The following LRMDA variants were observed in gnomAD, a reference collection of about 807,000 sequenced individuals.
LRMDA encodes the protein leucine rich melanocyte differentiation associated.
A neutral mutation model predicts 29.8 loss-of-function variants in LRMDA; 18 were observed. That is an observed-to-expected ratio of 0.60 (90% confidence interval 0.42 to 0.90). The LOEUF is 0.90. LRMDA is among the 40% of genes least tolerant of loss of function. The pLI, the probability that LRMDA is intolerant of heterozygous loss-of-function variation, is 0.00. For synonymous variants in LRMDA, 125 were observed against 109.4 expected (o/e 1.14, Z -0.89); for missense variants, 273 against 273.9 (o/e 1.00, Z 0.02).
chr10:75,866,646 G>A lies in LRMDA; in HGVS notation c.132-169362G>A, dbSNP rs571009189. ...AACCTGGCCAACCTGATTAGAGAAA[G>A]TGCAAGCCACTGCTGAGGATCTTGT... On this transcript the variant is annotated intron_variant, in intron 2 of 6. Transcript: ENST00000611255. 1.3e-5 allele frequency among the ~76,000 whole-genome samples: 2 copies of A among 152,306 alleles called. 1 individual carries two copies. Among genetic ancestry groups the A allele is most frequent in the South Asian group, 4.1e-4 (2 of 4,824 alleles).
chr10:75,452,353 C>T (rs1589148310), intron 2 of LRMDA, among the ~76,000 whole-genome samples: 1 of 152,098 alleles, frequency 6.6e-6, no homozygotes, highest in African/African-American at 2.4e-5. Context: ...CCCTTTTCAA[C>T]GTGATTGCTG....
rs575138279 is a variant in LRMDA at position 76,537,664 on chromosome 10, C to CT, written c.602-19537dup. Among the ~76,000 whole-genome samples, 8 of 152,112 alleles carry CT rather than the reference C, an allele frequency of 5.3e-5. No homozygotes were observed. The South Asian group carries it at 1.5e-3, about 28-fold the overall frequency. On this transcript the variant is annotated intron_variant, in intron 6 of 6. Transcript: ENST00000611255. ...TCTCTGATGACAGTCTTAAAAGCTT[C>CT]TTTTTTTTAAAGGAGTGATGTGATT...
intron 2 of LRMDA, chr10:75,883,579 G>A (rs1845329534): frequency 6.6e-6 from 1 of 152,074 alleles, no homozygotes; most frequent in Non-Finnish European, 1.5e-5. Flanking sequence ...TTCATTGCAG[G>A]GGTGGGCGTT....
intron 2 of LRMDA, among the ~76,000 whole-genome samples, chr10:75,797,776 A>T (rs149806098): frequency 2.0e-5 from 3 of 152,172 alleles, no homozygotes; most frequent in African/African-American, 7.2e-5. Context: ...TAGCACATTT[A>T]GTTTGTTCAT....
chr10:76,419,957 A>G (rs1842056044), intron 6 of LRMDA, among the ~76,000 whole-genome samples: 2 of 152,086 alleles, frequency 1.3e-5, no homozygotes, highest in Admixed American at 1.3e-4. Context: ...ACAAAATTGA[A>G]CTGTTAATAT....
chr10:76,154,690 A>G (rs1589354099), intron 5 of LRMDA, among the ~76,000 whole-genome samples: 1 of 152,196 alleles, frequency 6.6e-6, no homozygotes, highest in African/African-American at 2.4e-5. Context: ...TGGCACTTGA[A>G]AGCTTCTGAT....
intron 5 of LRMDA, among the ~76,000 whole-genome samples, chr10:76,246,372 TGC>T (rs1463199286): frequency 2.0e-5 from 3 of 152,186 alleles, no homozygotes; most frequent in Non-Finnish European, 4.4e-5. Flanking sequence ...GGTAGGACCT[TGC>T]AGTAATTGCA....
chr10:75,481,460 G>A (rs1474090723), intron 2 of LRMDA, among the ~76,000 whole-genome samples: 5 of 152,156 alleles, frequency 3.3e-5, no homozygotes, highest in Admixed American at 6.5e-5. Flanking sequence ...GTGACCTTGG[G>A]AAGAAAGATT....
At chr10:75,547,470 C>T (rs1043420896) in intron 2 of LRMDA, among the ~76,000 whole-genome samples, 13 of 152,240 alleles carry the variant, frequency 8.5e-5, no homozygotes, top group African/African-American at 3.1e-4. Flanking sequence ...TCTTTCACTT[C>T]ACAGCCCTGC....
intron 2 of LRMDA, among the ~76,000 whole-genome samples, chr10:75,944,344 A>C (rs889531747): frequency 2.6e-5 from 4 of 151,730 alleles, no homozygotes; most frequent in Non-Finnish European, 4.4e-5. Flanking sequence ...CTTATCTTTG[A>C]TTTTCAGAAT....
At chr10:75,505,998 T>C (rs1845164910) in intron 2 of LRMDA, among the ~76,000 whole-genome samples, 1 of 152,224 alleles carries the variant, frequency 6.6e-6, no homozygotes, top group South Asian at 2.1e-4. Context: ...TTAAGGCTTA[T>C]TAGTTTCATA....
intron 2 of LRMDA, among the ~76,000 whole-genome samples, chr10:75,867,283 C>G (rs1845036029): frequency 6.6e-6 from 1 of 152,182 alleles, no homozygotes; most frequent in African/African-American, 2.4e-5. Flanking sequence ...CTGCCTCAGC[C>G]TCCTGAGTAG....
At chr10:76,510,563 G>A (rs982456089) in intron 6 of LRMDA, among the ~76,000 whole-genome samples, 2 of 152,094 alleles carry the variant, frequency 1.3e-5, no homozygotes, top group African/African-American at 2.4e-5. Context: ...AAGAACCTCG[G>A]ACTGCCACAA....
intron 2 of LRMDA, among the ~76,000 whole-genome samples, chr10:75,593,445 T>C (rs1006985322): frequency 6.6e-6 from 1 of 152,240 alleles, no homozygotes; most frequent in Non-Finnish European, 1.5e-5. Context: ...GGGCTGCCAC[T>C]GCTGCTGCTG....
At chr10:75,756,210 T>C (rs1422021613) in intron 2 of LRMDA, among the ~76,000 whole-genome samples, 1 of 152,240 alleles carries the variant, frequency 6.6e-6, no homozygotes, top group Non-Finnish European at 1.5e-5. Context: ...CCCTTGTAAC[T>C]GTTTCCTTGC....
intron 5 of LRMDA, among the ~76,000 whole-genome samples, chr10:76,274,411 A>C (rs571711236): frequency 2.0e-5 from 3 of 152,332 alleles, no homozygotes; most frequent in East Asian, 3.9e-4. Context: ...ATGTTTAAAA[A>C]AGTGAGCAGG....
At chr10:75,991,631 G>C (rs1277692281) in intron 2 of LRMDA, among the ~76,000 whole-genome samples, 5 of 152,236 alleles carry the variant, frequency 3.3e-5, no homozygotes, top group African/African-American at 1.2e-4. Flanking sequence ...CCATAGCCGT[G>C]TTTAGCAGGA....
At chr10:75,557,509 T>C (rs1406458751) in intron 2 of LRMDA, among the ~76,000 whole-genome samples, 2 of 152,170 alleles carry the variant, frequency 1.3e-5, no homozygotes, top group African/African-American at 4.8e-5. Flanking sequence ...ACCCATGTTC[T>C]AGCCCTGCAA....
At chr10:76,416,404 C>T (rs865879961) in intron 6 of LRMDA, among the ~76,000 whole-genome samples, 6 of 152,304 alleles carry the variant, frequency 3.9e-5, no homozygotes, top group African/African-American at 1.2e-4. Flanking sequence ...AATGCGGCCT[C>T]GGACAGGCCA....
Sources: allele counts gnomAD v4.1 joint callset (sites outside exome capture counted in the v4.1 genomes callset), GRCh38; gene constraint gnomAD v4.1.1; transcripts MANE v1.5; gene names NCBI Gene and HGNC (gene_info 2026-07-23, HGNC 2026-07-21).